Variants in GIPC2 observed in about 807,000 individuals in gnomAD.
GIPC2 encodes the protein PDZ domain-containing protein GIPC2.
A neutral mutation model predicts 30.6 loss-of-function variants in GIPC2; 30 were observed. The ratio of observed to expected loss-of-function variants is 0.98; its 90% CI spans 0.73 to 1.33. GIPC2 has a LOEUF of 1.33. GIPC2 is among the 40% of genes most tolerant of loss of function. The pLI is 0.00. For missense variants in GIPC2, 414 were observed against 390.3 expected (o/e 1.06, Z -0.51); for synonymous variants, 167 against 150.0 (o/e 1.11, Z -0.83).
At chr1:78,075,299 TA>T (rs911431532) in intron 1 of GIPC2, among the ~76,000 whole-genome samples, 1 of 151,792 alleles carries the variant, frequency 6.6e-6, no homozygotes, top group African/African-American at 2.4e-5. Context: ...CTATGAAAAA[TA>T]AAAAAATTAG....
At chr1:78,045,178 G>A (rs1195885224), upstream of GIPC2, 1 of 630,236 alleles carries the variant, frequency 1.6e-6, no homozygotes, top group Non-Finnish European at 2.0e-6. Context: ...TGCATAGTAA[G>A]TGAAATTTCA....
At chr1:78,130,965 T>A (rs1662882812) in intron 5 of GIPC2, among the ~76,000 whole-genome samples, 1 of 152,074 alleles carries the variant, frequency 6.6e-6, no homozygotes, top group East Asian at 1.9e-4. Context: ...AGGTCAGCAC[T>A]TAGCTGCTAT....
At chr1:78,100,974 A>ACG (rs1261892825) in intron 3 of GIPC2, among the ~76,000 whole-genome samples, 1 of 149,850 alleles carries the variant, frequency 6.7e-6, no homozygotes, top group Non-Finnish European at 1.5e-5. Context: ...ACACACACAC[A>ACG]CACACACATA....
intron 3 of GIPC2, among the ~76,000 whole-genome samples, chr1:78,116,292 G>A (rs1662565590): frequency 1.3e-5 from 2 of 152,052 alleles, no homozygotes; most frequent in Admixed American, 1.3e-4. Context: ...GGGATTATGG[G>A]GATAACCATT....
Position 78,061,761 on chromosome 1 carries a change from C to T in GIPC2, c.240+15427C>T, listed in dbSNP as rs999441170. ...CCTCCTGAGGAGCTGGGATTATAGG[C>T]GCACACCACCATGCCCGGCTAATTT... On this transcript the variant is annotated intron_variant, in intron 1 of 5. Coordinates refer to ENST00000370759, the MANE Select transcript of GIPC2 (RefSeq NM_017655.6). Among the ~76,000 whole-genome samples the T allele has an allele frequency of 1.1e-4, 17 of 151,666 alleles. No individual in the cohort carries two copies. The East Asian group carries it at 2.3e-3, about 21-fold the overall frequency.
intron 1 of GIPC2, 67 bp from the exon 2 acceptor site, chr1:78,080,608 A>G (rs989510250): frequency 4.9e-5 from 41 of 834,668 alleles, no homozygotes; most frequent in Non-Finnish European, 6.9e-5. Flanking sequence ...ATAAATGTTT[A>G]TAAATAAATT....
intron 2 of GIPC2, among the ~76,000 whole-genome samples, chr1:78,086,543 G>A (rs1208526854): frequency 1.3e-5 from 2 of 152,058 alleles, no homozygotes; most frequent in Non-Finnish European, 2.9e-5. Flanking sequence ...TCCCACTATT[G>A]TTCTGTGGGA....
intron 1 of GIPC2, among the ~76,000 whole-genome samples, chr1:78,070,532 T>C (rs1183369936): frequency 6.6e-6 from 1 of 152,168 alleles, no homozygotes; most frequent in Non-Finnish European, 1.5e-5. Context: ...ATGATATATA[T>C]ATATATATAT....
chr1:78,065,002 C>T (rs1571481532), intron 1 of GIPC2, among the ~76,000 whole-genome samples: 1 of 152,214 alleles, frequency 6.6e-6, no homozygotes, highest in East Asian at 1.9e-4. Flanking sequence ...GCCTTGGCCT[C>T]CCAAAGTGCT....
chr1:78,070,996 T>C (rs1661607179), intron 1 of GIPC2, among the ~76,000 whole-genome samples: 2 of 152,138 alleles, frequency 1.3e-5, no homozygotes, highest in East Asian at 3.9e-4. Context: ...CTCATGAAGG[T>C]CTAAATAGAG....
In GIPC2 at chr1:78,080,974, G is replaced by A. The variant is rs537914982; in HGVS notation, c.426+114G>A. On this transcript the variant is annotated intron_variant, in intron 2 of 5. Transcript: ENST00000370759. The stretch of plus-strand genomic sequence containing the variant: ...GAGTGAGAGCCCGCTCAGCAAGGAT[G>A]CATGAATTGGTAATGTTTCACTTTC... 417 of 497,296 alleles carry A rather than the reference G, an allele frequency of 8.4e-4. 4 individuals are homozygous for A. In the South Asian group the frequency reaches 0.018, roughly 21 times the overall value. The allele number at this position is 497,296 out of a possible 1,614,324, so 30.8% of individuals were successfully genotyped here.
rs1662999863 is a variant in GIPC2 at position 78,136,160 on chromosome 1, G to A, written c.*417G>A. The A allele has an allele frequency of 1.3e-5, 2 of 156,222 alleles. No individual in the cohort carries two copies. Among genetic ancestry groups the A allele is most frequent in the Admixed American group, 1.3e-4 (2 of 15,338 alleles). The allele number at this position is 156,222 out of a possible 1,614,324, so 9.7% of individuals were successfully genotyped here. On this transcript the variant is annotated 3_prime_UTR_variant, in exon 6 of 6. Transcript: ENST00000370759. ...TGATTTACCTCATAGTATCTTCACT[G>A]TGTTATCCTAGTTTGAACAGGATAT...
chr1:78,046,002 C>T lies in GIPC2; in HGVS notation c.-93C>T. 1.4e-6 allele frequency: 2 copies of T among 1,392,926 alleles called. No homozygotes were observed. The highest frequency in any genetic ancestry group is 1.6e-5 in the South Asian group (1 of 60,902). 86.3% of individuals were successfully genotyped at this position (1,392,926 alleles called of 1,614,324 possible). Reference sequence around the variant, plus strand: ...CGGCTGCCATTGGAGGCTGCTTTTACCTGCGCGGGGCCCGGGGCGCAAAGT... The same window carrying T: ...CGGCTGCCATTGGAGGCTGCTTTTATCTGCGCGGGGCCCGGGGCGCAAAGT... On this transcript the variant is annotated 5_prime_UTR_variant, in exon 1 of 6. Transcript: ENST00000370759.
chr1:78,078,201 A>AAC (rs1661754672), intron 1 of GIPC2, among the ~76,000 whole-genome samples: 1 of 151,482 alleles, frequency 6.6e-6, no homozygotes, highest in East Asian at 1.9e-4. Context: ...AAAAAAAAAA[A>AAC]AAAAAAAAAC....
Position 78,135,714 on chromosome 1 carries a change from A to G in GIPC2, c.919A>G (p.Ile307Val), listed in dbSNP as rs1662988757. 6.2e-7 allele frequency: 1 copy of G among 1,613,860 alleles called. No homozygotes were observed. Among genetic ancestry groups the G allele is most frequent in the African/African-American group, 1.3e-5 (1 of 75,042 alleles). ...ATTTGTCTTTGATGTTTGGGGAGTC[A>G]TTGGTGATGCCAAACGAAGAGGATT... ...DEFVFDVWGV[I>V]GDAKRRGL Residue 307 changes from isoleucine (I) to valine (V), a missense_variant, in exon 6 of 6, where the codon ATT becomes GTT. Physicochemically the swap from Ile to Val is conservative, Grantham distance 29 (BLOSUM62 3). Transcript: ENST00000370759.
At chr1:78,112,131 T>C (rs1216617208) in intron 3 of GIPC2, among the ~76,000 whole-genome samples, 24 of 152,182 alleles carry the variant, frequency 1.6e-4, no homozygotes, top group Non-Finnish European at 8.8e-5. Flanking sequence ...TTTATCAGGG[T>C]CTCACTTTCA....
In GIPC2 at chr1:78,102,819, A is replaced by C. The variant is rs148604086; in HGVS notation, c.607+7687A>C. ...TAAAGGTGTATCCTTTTCTTTAAGG[A>C]ATAATTTTAGAAACAAGATAAACCC... On this transcript the variant is annotated intron_variant, in intron 3 of 5. Coordinates refer to ENST00000370759, the MANE Select transcript of GIPC2 (RefSeq NM_017655.6). Among the ~76,000 whole-genome samples the C allele has an allele frequency of 2.0e-5, 3 of 152,316 alleles. No individual in the cohort carries two copies. In the East Asian group the frequency reaches 5.8e-4, roughly 29 times the overall value.
intron 1 of GIPC2, among the ~76,000 whole-genome samples, chr1:78,063,384 C>G (rs770905055): frequency 1.3e-5 from 2 of 151,582 alleles, no homozygotes; most frequent in Non-Finnish European, 2.9e-5. Context: ...CCTAGCTACT[C>G]GGGAGGCTGA....
chr1:78,102,970 G>A (rs1662275298), intron 3 of GIPC2, among the ~76,000 whole-genome samples: 1 of 152,214 alleles, frequency 6.6e-6, no homozygotes, highest in South Asian at 2.1e-4. Flanking sequence ...AAGGAAATAT[G>A]TCAGTACATC....
Sources: gnomAD v4.1 joint callset for allele counts (sites outside exome capture counted in the v4.1 genomes callset) on GRCh38, gnomAD v4.1.1 for gene constraint, MANE v1.5 for transcripts, NCBI Gene and HGNC (gene_info 2026-07-23, HGNC 2026-07-21) for gene names.